Variants in SLC22A3 observed in about 807,000 individuals in gnomAD.
SLC22A3 encodes EMT organic cation transporter 3.
In SLC22A3, 51 loss-of-function variants were observed where a neutral mutation model predicts 59.1. The ratio of observed to expected loss-of-function variants is 0.86; its 90% confidence interval spans 0.69 to 1.09. The LOEUF (loss-of-function observed/expected upper bound fraction) is 1.09, where lower values mean the gene tolerates loss of function less well. SLC22A3 is among the 50% of genes least tolerant of loss of function. SLC22A3 has a pLI of 0.00. For synonymous variants in SLC22A3, 325 were observed against 292.0 expected, an observed-to-expected ratio of 1.11 and a Z score of -1.15; for missense variants, 711 against 726.3, an observed-to-expected ratio of 0.98 and a Z score of 0.24.
intron 4 of SLC22A3, among the ~76,000 whole-genome samples, chr6:160,410,288 A>T (rs1787192749): frequency 6.6e-6 from 1 of 152,254 alleles, no homozygotes; most frequent in Non-Finnish European, 1.5e-5. Flanking sequence ...AAAGGCTGGG[A>T]TTACAGGCCT....
At chr6:160,422,930 C>T (rs1176447091) in intron 5 of SLC22A3, among the ~76,000 whole-genome samples, 1 of 152,074 alleles carries the variant, frequency 6.6e-6, no homozygotes, top group East Asian at 1.9e-4. Context: ...GTGGTGCACC[C>T]AGTAACTCGT....
rs148239366 is a variant in SLC22A3 at position 160,434,239 on chromosome 6, C to T, written c.976-2541C>T. Among the ~76,000 whole-genome samples, 198 of 152,252 alleles carry T rather than the reference C, an allele frequency of 1.3e-3. 1 individual carries two copies. The Middle Eastern group carries it at 0.014, about 10-fold the overall frequency. ...ATCTAGTCAAATTTTTTTCATAAAA[C>T]AATGTTTTAATTAAAGATTCAGTTT... On this transcript the variant is annotated intron_variant, in intron 5 of 10. Transcript: ENST00000275300.
chr6:160,407,127 T>C lies in SLC22A3; in HGVS notation c.620T>C (p.Val207Ala). The part of the protein sequence containing the change: ...VVVAFAPNFP[V>A]FVIFRFLQGV... Reference sequence around the variant, plus strand: ...GTGGCCTTTGCACCAAACTTCCCTGTGTTTGTGATCTTCCGCTTCCTGCAA... The same window carrying C: ...GTGGCCTTTGCACCAAACTTCCCTGCGTTTGTGATCTTCCGCTTCCTGCAA... The change falls in exon 3 of 11, where the codon GTG (valine) becomes GCG (alanine). Residue 207 changes from valine (V) to alanine (A), a missense_variant. Transcript: ENST00000275300. The C allele has an allele frequency of 3.1e-6, 5 of 1,612,470 alleles. No homozygotes were observed. The highest frequency in any genetic ancestry group is 4.2e-6 in the Non-Finnish European group (5 of 1,179,144).
At chr6:160,360,088 T>A (rs1261017599) in intron 1 of SLC22A3, among the ~76,000 whole-genome samples, 1 of 152,234 alleles carries the variant, frequency 6.6e-6, no homozygotes, top group East Asian at 1.9e-4. Flanking sequence ...TTATTTTTCC[T>A]TACTAAACTT....
At chr6:160,374,932 G>T (rs1475960746) in intron 1 of SLC22A3, among the ~76,000 whole-genome samples, 4 of 152,210 alleles carry the variant, frequency 2.6e-5, no homozygotes, top group African/African-American at 4.8e-5. Flanking sequence ...AGAGGCTGGG[G>T]TATCTCTGCT....
intron 1 of SLC22A3, among the ~76,000 whole-genome samples, chr6:160,389,049 C>A (rs1583467858): frequency 6.6e-6 from 1 of 152,174 alleles, no homozygotes; most frequent in Admixed American, 6.5e-5. Context: ...GAAGACTCCC[C>A]TCTTGGGCTC....
At chr6:160,437,568 G>C (rs1275941469) in intron 7 of SLC22A3, among the ~76,000 whole-genome samples, 2 of 152,144 alleles carry the variant, frequency 1.3e-5, no homozygotes, top group African/African-American at 4.8e-5. Flanking sequence ...CATGCTAAAC[G>C]CTGAGGTTAC....
At position 160,363,121 on chromosome 6, in the gene SLC22A3, G is replaced by A. The variant is rs370273037; in HGVS notation, c.429+14273G>A. On this transcript the variant is annotated intron_variant, in intron 1 of 10. Coordinates refer to ENST00000275300, the MANE Select transcript of SLC22A3 (RefSeq NM_021977.4). ...TGTTGCCGAGGGGCAGAAAGAGAGG[G>A]TCTCAGCCTAAGCCAGGTGGAAGGT... 1.5e-3 allele frequency among the ~76,000 whole-genome samples: 229 copies of A among 152,356 alleles called. 8 individuals carry two copies. The South Asian group carries it at 0.045, about 30-fold the overall frequency.
intron 9 of SLC22A3, 119 bp from the exon 10 acceptor site, chr6:160,447,600 T>C: frequency 1.2e-6 from 1 of 806,028 alleles, no homozygotes; most frequent in Non-Finnish European, 2.2e-6. Flanking sequence ...GATGCAGAGG[T>C]TGCTGTGGTT....
intron 1 of SLC22A3, among the ~76,000 whole-genome samples, chr6:160,392,214 G>A (rs902982907): frequency 6.6e-6 from 1 of 152,110 alleles, no homozygotes. Context: ...TGGCACCCAC[G>A]TTTCTGTCTC....
Position 160,365,654 on chromosome 6 carries a change from C to A in SLC22A3, c.429+16806C>A, listed in dbSNP as rs79307424. 7.8e-3 allele frequency among the ~76,000 whole-genome samples: 1,186 copies of A among 152,250 alleles called. 18 individuals carry two copies. The highest frequency in any genetic ancestry group is 0.027 in the African/African-American group (1,129 of 41,534). Reference sequence around the variant, plus strand: ...ACACTTGAACAAAAAATGTGGCTTTCTTTAAAGAAAATCATCAGAAGTTCA... The same window carrying A: ...ACACTTGAACAAAAAATGTGGCTTTATTTAAAGAAAATCATCAGAAGTTCA... On this transcript the variant is annotated intron_variant, in intron 1 of 10. Transcript: ENST00000275300.
rs693572 is a variant in SLC22A3 at position 160,389,245 on chromosome 6, T to G, written c.430-8734T>G. 9.9e-3 allele frequency among the ~76,000 whole-genome samples: 1,501 copies of G among 152,304 alleles called. 22 individuals are homozygous for G. The highest frequency in any genetic ancestry group is 0.062 in the East Asian group (322 of 5,180). The stretch of plus-strand genomic sequence containing the variant: ...ATTGGCCCTTAATCATGAGCCATTT[T>G]TTTGTCTTGTATTTAATATCAGTCT... On this transcript the variant is annotated intron_variant, in intron 1 of 10. Coordinates refer to ENST00000275300, the MANE Select transcript of SLC22A3 (RefSeq NM_021977.4).
chr6:160,438,450 G>A (rs1293470280), intron 7 of SLC22A3, among the ~76,000 whole-genome samples: 1 of 152,154 alleles, frequency 6.6e-6, no homozygotes, highest in Non-Finnish European at 1.5e-5. Context: ...CCAAGAAATG[G>A]ACAATATAGT....
intron 9 of SLC22A3, among the ~76,000 whole-genome samples, chr6:160,444,179 G>A (rs1467501066): frequency 6.6e-6 from 1 of 152,042 alleles, no homozygotes; most frequent in Non-Finnish European, 1.5e-5. Context: ...AGACCAGCTT[G>A]GGCAACATAG....
intron 1 of SLC22A3, among the ~76,000 whole-genome samples, chr6:160,382,338 G>A (rs1265393354): frequency 6.6e-6 from 1 of 152,156 alleles, no homozygotes; most frequent in Non-Finnish European, 1.5e-5. Flanking sequence ...CCCAAAATCT[G>A]AATATAAACT....
At chr6:160,352,922 G>A (rs1201755386) in intron 1 of SLC22A3, among the ~76,000 whole-genome samples, 2 of 152,188 alleles carry the variant, frequency 1.3e-5, no homozygotes, top group East Asian at 1.9e-4. Context: ...CCGGGTTCAA[G>A]CAATTCTCCT....
chr6:160,436,901 T>A, intron 6 of SLC22A3, 24 bp downstream of exon 6: 2 of 1,611,412 alleles, frequency 1.2e-6, no homozygotes, highest in Non-Finnish European at 1.7e-6. Context: ...GTGATGGATT[T>A]AAAAGCTTGC....
At chr6:160,390,014 C>A (rs901370533) in intron 1 of SLC22A3, among the ~76,000 whole-genome samples, 1 of 152,230 alleles carries the variant, frequency 6.6e-6, no homozygotes, top group Non-Finnish European at 1.5e-5. Flanking sequence ...TCATGAAAAA[C>A]AGTAGCTATG....
chr6:160,351,337 G>A (rs1474358435), intron 1 of SLC22A3, among the ~76,000 whole-genome samples: 1 of 152,104 alleles, frequency 6.6e-6, no homozygotes, highest in Non-Finnish European at 1.5e-5. Context: ...GGATGGTCTC[G>A]ATCTCCTGAC....
Sources: gnomAD v4.1 joint callset for allele counts (sites outside exome capture counted in the v4.1 genomes callset) on GRCh38, gnomAD v4.1.1 for gene constraint, MANE v1.5 for transcripts, NCBI Gene and HGNC (gene_info 2026-07-23, HGNC 2026-07-21) for gene names.